Variants in MCFD2 observed in about 807,000 individuals in gnomAD.
The protein encoded by MCFD2 is multiple coagulation factor deficiency 2, ER cargo receptor complex subunit, also known as multiple coagulation factor deficiency protein 2.
In MCFD2, 11 loss-of-function variants were observed where a neutral mutation model predicts 12.8. The ratio of observed to expected loss-of-function variants is 0.86; its 90% CI spans 0.54 to 1.42. MCFD2 has a LOEUF of 1.42. MCFD2 is among the 40% of genes most tolerant of loss of function. MCFD2 has a pLI of 0.00. For missense variants in MCFD2, 191 were observed against 178.6 expected (o/e 1.07, Z -0.40); for synonymous variants, 70 against 68.1 (o/e 1.03, Z -0.14).
In MCFD2 at chr2:46,908,596, G is replaced by A; in HGVS notation, c.149+427C>T. The A allele has an allele frequency of 3.2e-6, 1 of 308,446 alleles. No homozygotes were observed. Among genetic ancestry groups the A allele is most frequent in the Non-Finnish European group, 6.3e-6 (1 of 159,318 alleles). The allele number at this position is 308,446 out of a possible 1,614,324, so 19.1% of individuals were successfully genotyped here. Reference sequence around the variant, plus strand: ...CAAAGGATAACCGAGTATAATGCGTGAGGCTAACTGGCCCAAGACAAAAGC... The same window carrying A: ...CAAAGGATAACCGAGTATAATGCGTAAGGCTAACTGGCCCAAGACAAAAGC... On this transcript the variant is annotated intron_variant, in intron 2 of 3. Transcript: ENST00000319466. This position sits in a 1 kb window ranked among gnomAD's most constrained non-coding sequence, Gnocchi z 4.5.
chr2:46,932,707 T>C (rs1448021733), intron 1 of MCFD2, among the ~76,000 whole-genome samples: 1 of 151,606 alleles, frequency 6.6e-6, no homozygotes, highest in Non-Finnish European at 1.5e-5. Flanking sequence ...TCGAGACCAG[T>C]TTGGCCAACA....
chr2:46,940,836 G>T lies in MCFD2; in HGVS notation c.-8+736C>A, dbSNP rs567119171. On this transcript the variant is annotated intron_variant, in intron 1 of 2. Coordinates refer to the MCFD2 transcript ENST00000409147. This position sits in a 1 kb window ranked among gnomAD's most constrained non-coding sequence, Gnocchi z 4.7. ...CCAGCTCCCGGGAGGCTCGCCGTCG[G>T]GGTTGGGGCCTGTCGGCCGGCCTCT... Among the ~76,000 whole-genome samples the T allele has an allele frequency of 6.6e-6, 1 of 152,248 alleles. No homozygotes were observed. Among genetic ancestry groups the T allele is most frequent in the African/African-American group, 2.4e-5 (1 of 41,564 alleles).
intron 1 of MCFD2, among the ~76,000 whole-genome samples, chr2:46,915,522 G>C (rs940028151): frequency 6.6e-6 from 1 of 152,178 alleles, no homozygotes; most frequent in African/African-American, 2.4e-5. Flanking sequence ...GCCCCGTCTG[G>C]CTCCAGAGCC....
chr2:46,914,737 G>C lies in MCFD2; in HGVS notation c.-7+986C>G, dbSNP rs557420121. On this transcript the variant is annotated intron_variant, in intron 1 of 3. Transcript: ENST00000319466. ...ACCACGAAATCCCCAACTGACACCTGAAATAACACATAAAGGATAAGAAGG... is the reference window on the plus strand; with the variant it reads ...ACCACGAAATCCCCAACTGACACCTCAAATAACACATAAAGGATAAGAAGG... Among the ~76,000 whole-genome samples, 21 of 152,268 alleles carry C rather than the reference G, an allele frequency of 1.4e-4. No homozygotes were observed. The South Asian group carries it at 2.5e-3, about 18-fold the overall frequency.
intron 1 of MCFD2, among the ~76,000 whole-genome samples, chr2:46,922,065 G>C (rs1213371478): frequency 2.6e-5 from 4 of 152,216 alleles, no homozygotes; most frequent in Non-Finnish European, 2.9e-5. Flanking sequence ...TATTTGAGTG[G>C]AGGAAAGCTG....
At chr2:46,913,271 G>A (rs1313662082) in intron 1 of MCFD2, among the ~76,000 whole-genome samples, 1 of 152,174 alleles carries the variant, frequency 6.6e-6, no homozygotes, top group Non-Finnish European at 1.5e-5. Flanking sequence ...AATCGGGCTG[G>A]GCATGGTGGC....
chr2:46,905,637 C>A (rs766518944), intron 3 of MCFD2, 43 bp from the exon 4 acceptor site: 4 of 1,585,278 alleles, frequency 2.5e-6, no homozygotes, highest in Middle Eastern at 1.7e-4. Context: ...CGCATTTTAC[C>A]GGAAGAAGTG....
chr2:46,922,243 A>T (rs1669142739), intron 1 of MCFD2, among the ~76,000 whole-genome samples: 1 of 152,138 alleles, frequency 6.6e-6, no homozygotes, highest in Admixed American at 6.5e-5. Context: ...TTAGGCCTAT[A>T]CCATTTCCTC....
At chr2:46,921,581 A>G (rs1337242526) in intron 1 of MCFD2, among the ~76,000 whole-genome samples, 1 of 152,214 alleles carries the variant, frequency 6.6e-6, no homozygotes, top group Non-Finnish European at 1.5e-5. Context: ...TCTTCATGCA[A>G]ATGATATGCT....
chr2:46,934,025 T>C (rs73926978), intron 1 of MCFD2, among the ~76,000 whole-genome samples: 8,755 of 152,160 alleles, frequency 0.058, 306 homozygotes, highest in African/African-American at 0.091. Flanking sequence ...CTCACAGCCA[T>C]TGTGACAACT....
rs1670061288 is a variant in MCFD2 at position 46,937,913 on chromosome 2, A to G, written c.-8+3659T>C. Reference sequence around the variant, plus strand: ...CTGTTCAGCAGGTCATGGACTGAAGAAAACTACTGTGTATATATATGTAAA... The same window carrying G: ...CTGTTCAGCAGGTCATGGACTGAAGGAAACTACTGTGTATATATATGTAAA... On this transcript the variant is annotated intron_variant, in intron 1 of 2. Coordinates refer to the MCFD2 transcript ENST00000409147. The surrounding 1 kb of genome is among the most constrained non-coding windows in gnomAD (Gnocchi z 4.0). Among the ~76,000 whole-genome samples the G allele has an allele frequency of 6.6e-6, 1 of 152,202 alleles. No homozygotes were observed. Among genetic ancestry groups the G allele is most frequent in the Non-Finnish European group, 1.5e-5 (1 of 68,042 alleles).
chr2:46,935,911 C>A (rs1669952627), intron 1 of MCFD2, among the ~76,000 whole-genome samples: 1 of 151,976 alleles, frequency 6.6e-6, no homozygotes, highest in South Asian at 2.1e-4. Context: ...GGCAACATAG[C>A]AAGATTCAGT....
rs1668554569 is a variant in MCFD2 at position 46,913,176 on chromosome 2, GT to G, written c.-7+2546del. On this transcript the variant is annotated intron_variant, in intron 1 of 3. Coordinates refer to ENST00000319466, the MANE Select transcript of MCFD2 (RefSeq NM_139279.6). ...GTCTCATTTTGGTTTGCTGTTGCAG[GT>G]TTCTAATCATTGGAATGCAACAAAA... 5.3e-5 allele frequency among the ~76,000 whole-genome samples: 8 copies of G among 152,258 alleles called. No individual in the cohort carries two copies. In the South Asian group the frequency reaches 1.7e-3, roughly 32 times the overall value.
rs1223210414 is a variant in MCFD2 at position 46,901,965 on chromosome 2, G to A, written c.*3498C>T. 2.0e-5 allele frequency: 3 copies of A among 152,638 alleles called. No homozygotes were observed. Among genetic ancestry groups the A allele is most frequent in the African/African-American group, 7.2e-5 (3 of 41,448 alleles). 9.5% of individuals were successfully genotyped at this position (152,638 alleles called of 1,614,324 possible). ...GAGCTATTACAAGAATAGTTTACAA[G>A]TCAGCTCTGACTGCACAAATACTTG... On this transcript the variant is annotated 3_prime_UTR_variant, in exon 4 of 4. Coordinates refer to ENST00000319466, the MANE Select transcript of MCFD2 (RefSeq NM_139279.6). The surrounding 1 kb of genome is among the most constrained non-coding windows in gnomAD (Gnocchi z 4.3).
At position 46,907,160 on chromosome 2, in the gene MCFD2, A is replaced by C. The variant is rs538604139; in HGVS notation, c.309+650T>G. Reference sequence around the variant, plus strand: ...TCCCTGAATCCCTTGGTGTCAATTCACCATTAAACAACTTCTCCCTTGCTC... The same window carrying C: ...TCCCTGAATCCCTTGGTGTCAATTCCCCATTAAACAACTTCTCCCTTGCTC... On this transcript the variant is annotated intron_variant, in intron 3 of 3. Coordinates refer to ENST00000319466, the MANE Select transcript of MCFD2 (RefSeq NM_139279.6). The surrounding 1 kb of genome is among the most constrained non-coding windows in gnomAD (Gnocchi z 4.1). 6.4e-6 allele frequency: 1 copy of C among 156,968 alleles called. No individual in the cohort carries two copies. Among genetic ancestry groups the C allele is most frequent in the South Asian group, 1.9e-4 (1 of 5,162 alleles). The allele number at this position is 156,968 out of a possible 1,614,324, so 9.7% of individuals were successfully genotyped here. A position where few individuals can be genotyped will look rare whatever the true frequency, so the allele number is the denominator to read the frequency against.
chr2:46,933,965 G>T (rs1296352104), intron 1 of MCFD2, among the ~76,000 whole-genome samples: 1 of 152,156 alleles, frequency 6.6e-6, no homozygotes, highest in Non-Finnish European at 1.5e-5. Flanking sequence ...ATTAGGCTTG[G>T]TGCTCTACTT....
intron 3 of MCFD2, 185 bp from the exon 4 acceptor site, chr2:46,905,779 G>A: frequency 4.6e-6 from 3 of 656,490 alleles, no homozygotes; most frequent in Non-Finnish European, 8.3e-6. Context: ...TGGAGTATGG[G>A]GCTACTTCTA....
intron 1 of MCFD2, among the ~76,000 whole-genome samples, chr2:46,925,542 A>C (rs531272903): frequency 5.3e-5 from 8 of 152,222 alleles, no homozygotes; most frequent in Admixed American, 3.3e-4. Context: ...TGGGCAACAA[A>C]GTGTCTCAAT....
chr2:46,941,417 C>CG lies in MCFD2; in HGVS notation c.-8+154_-8+155insC. On this transcript the variant is annotated intron_variant, in intron 1 of 2. Coordinates refer to the MCFD2 transcript ENST00000409147. This position sits in a 1 kb window ranked among gnomAD's most constrained non-coding sequence, Gnocchi z 4.2. ...TCCGCCGCCCGGGCCCCCGCTGCCGCCCGGGCCCCGGCTGCCGTCTGCGCC... is the reference window on the plus strand; with the variant it reads ...TCCGCCGCCCGGGCCCCCGCTGCCGCGCCGGGCCCCGGCTGCCGTCTGCGCC... 1 of 1,004,526 alleles carries CG rather than the reference C, an allele frequency of 1.0e-6. No homozygotes were observed. The highest frequency in any genetic ancestry group is 1.3e-6 in the Non-Finnish European group (1 of 790,032). 62.2% of individuals were successfully genotyped at this position (1,004,526 alleles called of 1,614,324 possible).
Sources: allele counts gnomAD v4.1 joint callset (sites outside exome capture counted in the v4.1 genomes callset), GRCh38; gene constraint gnomAD v4.1.1; non-coding constraint Gnocchi (gnomAD v3.1); transcripts MANE v1.5; gene names NCBI Gene and HGNC (gene_info 2026-07-23, HGNC 2026-07-21).